FRY: variants seen among roughly 807,000 people sequenced by gnomAD.
FRY encodes FRY microtubule binding protein.
In FRY, 128 loss-of-function variants were observed where a neutral mutation model predicts 348.4. The ratio of observed to expected loss-of-function variants is 0.37; its 90% CI spans 0.32 to 0.43. The LOEUF (loss-of-function observed/expected upper bound fraction) is 0.43, where lower values mean the gene tolerates loss of function less well. FRY is among the 20% of genes least tolerant of loss of function. The pLI is 1.00. For synonymous variants in FRY, 1,370 were observed against 1,374.7 expected (o/e 1.00, Z 0.08); for missense variants, 2,736 against 3,695.2 (o/e 0.74, Z 6.73).
intron 33 of FRY, among the ~76,000 whole-genome samples, chr13:32,210,598 A>G (rs1884629854): frequency 6.6e-6 from 1 of 152,242 alleles, no homozygotes; most frequent in Non-Finnish European, 1.5e-5. Context: ...CAGTTTAGAT[A>G]GAATTCACGT....
At chr13:32,249,279 T>C (rs1431708247) in intron 48 of FRY, among the ~76,000 whole-genome samples, 1 of 152,168 alleles carries the variant, frequency 6.6e-6, no homozygotes, top group Non-Finnish European at 1.5e-5. Flanking sequence ...TGTCAGTGGT[T>C]TCTAAAGCAT....
At chr13:32,185,871 T>C (rs1882997070) in intron 26 of FRY, among the ~76,000 whole-genome samples, 1 of 152,208 alleles carries the variant, frequency 6.6e-6, no homozygotes, top group Non-Finnish European at 1.5e-5. Context: ...GAAGTACCTA[T>C]GTGAGTTTGA....
intron 51 of FRY, among the ~76,000 whole-genome samples, chr13:32,256,872 A>C (rs1336080732): frequency 6.6e-6 from 1 of 152,242 alleles, no homozygotes; most frequent in Non-Finnish European, 1.5e-5. Context: ...CCAAAATCCT[A>C]AACTTTTTGA....
At chr13:32,187,368 G>A (rs1020905424) in intron 27 of FRY, among the ~76,000 whole-genome samples, 178 bp from the exon 28 acceptor site, 4 of 152,140 alleles carry the variant, frequency 2.6e-5, no homozygotes, top group Non-Finnish European at 5.9e-5. Flanking sequence ...GCCAAATTTG[G>A]AATCTGGTAT....
intron 49 of FRY, 144 bp downstream of exon 49, chr13:32,249,831 T>A (rs1429729544): frequency 1.1e-5 from 8 of 733,202 alleles, no homozygotes; most frequent in Non-Finnish European, 1.9e-5. Context: ...TCTTGTGGCA[T>A]TCCAAGGAAC....
chr13:32,197,417 T>C lies in FRY; in HGVS notation c.3746+3120T>C, dbSNP rs535805590. On this transcript the variant is annotated intron_variant, in intron 29 of 60. Coordinates refer to ENST00000542859, the MANE Select transcript of FRY (RefSeq NM_023037.3). ...ATCACACTCCCTAACTGATGATAAA[T>C]AGCCCTATTTGGTTATGTGAGCCAT... 4.6e-5 allele frequency among the ~76,000 whole-genome samples: 7 copies of C among 152,330 alleles called. No individual in the cohort carries two copies. In the East Asian group the frequency reaches 1.2e-3, roughly 25 times the overall value.
At chr13:32,049,691 G>C (rs1873221118) in intron 1 of FRY, among the ~76,000 whole-genome samples, 1 of 152,190 alleles carries the variant, frequency 6.6e-6, no homozygotes, top group Admixed American at 6.5e-5. Flanking sequence ...ATCACTGCGA[G>C]AATGACCCAG....
chr13:32,202,352 A>G lies in FRY; in HGVS notation c.3847-4A>G, dbSNP rs745472469. On this transcript the variant is annotated splice_polypyrimidine_tract_variant and splice_region_variant and intron_variant, in intron 30 of 60. Transcript: ENST00000542859. ...TACTTTTTTACTTTCCTACATCTTTATAGATCCTTGAAGCAAAGCTTTTTG... is the reference window on the plus strand; with the variant it reads ...TACTTTTTTACTTTCCTACATCTTTGTAGATCCTTGAAGCAAAGCTTTTTG... 1 of 1,612,068 alleles carries G rather than the reference A, an allele frequency of 6.2e-7. No individual in the cohort carries two copies. The highest frequency in any genetic ancestry group is 8.5e-7 in the Non-Finnish European group (1 of 1,178,078).
At chr13:32,135,700 G>C (rs1388974314) in intron 10 of FRY, among the ~76,000 whole-genome samples, 1 of 152,152 alleles carries the variant, frequency 6.6e-6, no homozygotes, top group Non-Finnish European at 1.5e-5. Context: ...AAATCTTTTA[G>C]GTTACCACCA....
intron 46 of FRY, among the ~76,000 whole-genome samples, chr13:32,241,050 T>C (rs1278582392): frequency 6.6e-6 from 1 of 152,188 alleles, no homozygotes; most frequent in Non-Finnish European, 1.5e-5. Flanking sequence ...TCTGACATTT[T>C]AAGGAACCTC....
Position 32,268,140 on chromosome 13 carries a change from G to A in FRY, c.8136+781G>A, listed in dbSNP as rs74044967. Among the ~76,000 whole-genome samples, 414 of 152,298 alleles carry A rather than the reference G, an allele frequency of 2.7e-3. 2 individuals are homozygous for A. Among genetic ancestry groups the A allele is most frequent in the African/African-American group, 9.4e-3 (391 of 41,550 alleles). ...CTGTGGCAGTCTCATGTGTGGGCAC[G>A]CTTAAATCTCGCTTGTTACCTCATA... On this transcript the variant is annotated intron_variant, in intron 55 of 60. Transcript: ENST00000542859.
At chr13:32,101,911 C>T in intron 2 of FRY, 52 bp from the exon 3 acceptor site, 3 of 1,000,820 alleles carry the variant, frequency 3.0e-6, no homozygotes, top group Non-Finnish European at 4.8e-6. Context: ...TTCTTTTATA[C>T]TATTTAAGAG....
chr13:32,070,444 G>A (rs1211228732), intron 1 of FRY, among the ~76,000 whole-genome samples: 1 of 152,072 alleles, frequency 6.6e-6, no homozygotes, highest in African/African-American at 2.4e-5. Context: ...TTATGGTTTT[G>A]ATTTGCATTT....
chr13:32,089,205 C>T (rs1408661093), intron 2 of FRY, among the ~76,000 whole-genome samples: 1 of 152,128 alleles, frequency 6.6e-6, no homozygotes, highest in Non-Finnish European at 1.5e-5. Flanking sequence ...TTTCTACGGT[C>T]ATGCTAACAA....
rs1881062880 is a variant in FRY, at chr13:32,155,640, T to C, written c.1629T>C (p.Thr543=). The C allele has an allele frequency of 2.5e-6, 4 of 1,613,130 alleles. No homozygotes were observed. The highest frequency in any genetic ancestry group is 1.1e-5 in the South Asian group (1 of 91,040). ...VKKTYLSKTL[T]EEEAKMIGMS... is the part of the protein sequence containing the mutation. ...AAACATATTTGAGTAAAACACTAACTGAAGAGGAAGCCAAAATGATAGGTG... is the reference window on the plus strand; with the variant it reads ...AAACATATTTGAGTAAAACACTAACCGAAGAGGAAGCCAAAATGATAGGTG... The change falls in exon 15 of 61, where the codon ACT becomes ACC. Residue 543 remains threonine (T), a synonymous_variant. Coordinates refer to ENST00000542859, the MANE Select transcript of FRY (RefSeq NM_023037.3).
intron 50 of FRY, among the ~76,000 whole-genome samples, chr13:32,253,736 T>A (rs1460328223): frequency 6.6e-6 from 1 of 152,280 alleles, no homozygotes; most frequent in African/African-American, 2.4e-5. Context: ...TCTGTTTTTT[T>A]ATTTCTTATC....
chr13:32,142,971 A>G (rs1356632507), intron 11 of FRY, among the ~76,000 whole-genome samples: 1 of 152,062 alleles, frequency 6.6e-6, no homozygotes, highest in Non-Finnish European at 1.5e-5. Flanking sequence ...GGGGCAGGGG[A>G]ATGTAGTAAG....
rs753531535 is a variant in FRY at position 32,267,211 on chromosome 13, C to CCTT, written c.7994_7996dup (p.Phe2665dup). ...AGGGGAGTCTCTCCCCCTCCCTCGC[C>CCTT]CTTCTTCTCAGCCATCCTTGCCGCC... On this transcript the variant is annotated inframe_insertion, in exon 55 of 61. Coordinates refer to ENST00000542859, the MANE Select transcript of FRY (RefSeq NM_023037.3). 6.2e-7 allele frequency: 1 copy of CCTT among 1,614,210 alleles called. No individual in the cohort carries two copies. Among genetic ancestry groups the CCTT allele is most frequent in the South Asian group, 1.1e-5 (1 of 91,090 alleles).
intron 36 of FRY, 143 bp downstream of exon 36, chr13:32,218,974 CAT>C (rs1200720674): frequency 6.4e-6 from 4 of 629,852 alleles, no homozygotes; most frequent in East Asian, 2.9e-5. Flanking sequence ...TGCAGATGAG[CAT>C]AGAGTCAGCA....
Sources: gnomAD v4.1 joint callset for allele counts (sites outside exome capture counted in the v4.1 genomes callset) on GRCh38, gnomAD v4.1.1 for gene constraint, MANE v1.5 for transcripts, NCBI Gene and HGNC (gene_info 2026-07-23, HGNC 2026-07-21) for gene names.